JAKMIP3: variants seen among roughly 807,000 people sequenced by gnomAD.
JAKMIP3 encodes the protein Janus kinase and microtubule interacting protein 3.
In JAKMIP3, 58 loss-of-function variants were observed where a neutral mutation model predicts 118.5. The ratio of observed to expected loss-of-function variants is 0.49; its 90% confidence interval spans 0.40 to 0.61. The LOEUF (loss-of-function observed/expected upper bound fraction) is 0.61, where lower values mean the gene tolerates loss of function less well. JAKMIP3 is among the 20% of genes least tolerant of loss of function. The pLI is 0.00. For missense variants in JAKMIP3, 950 were observed against 1,109.0 expected, an observed-to-expected ratio of 0.86 and a Z score of 2.04; for synonymous variants, 486 against 451.2, an observed-to-expected ratio of 1.08 and a Z score of -0.98.
In JAKMIP3 at chr10:132,138,099, T is replaced by C. The variant is rs1371248170; in HGVS notation, c.1285-20T>C. The C allele has an allele frequency of 1.2e-6, 2 of 1,609,202 alleles. No individual in the cohort carries two copies. Among genetic ancestry groups the C allele is most frequent in the Non-Finnish European group, 1.7e-6 (2 of 1,177,754 alleles). On this transcript the variant is annotated intron_variant, in intron 8 of 23. Transcript: ENST00000684848. ...GAGCTGCTCTACCACTTACACAACCTCTTCAACTGGCTTCCGCAGGAGCGG... is the reference window on the plus strand; with the variant it reads ...GAGCTGCTCTACCACTTACACAACCCCTTCAACTGGCTTCCGCAGGAGCGG...
chr10:132,074,863 A>G (rs908996820), intron 1 of JAKMIP3, among the ~76,000 whole-genome samples: 1 of 152,160 alleles, frequency 6.6e-6, no homozygotes, highest in African/African-American at 2.4e-5. Context: ...ATATGATGAG[A>G]GGTATGGGTC....
rs1432225196 is a variant in JAKMIP3, at chr10:132,117,926, T to C, written c.633+352T>C. Among the ~76,000 whole-genome samples, 1 of 152,180 alleles carries C rather than the reference T, an allele frequency of 6.6e-6. No homozygotes were observed. The highest frequency in any genetic ancestry group is 1.9e-4 in the East Asian group (1 of 5,188). On this transcript the variant is annotated intron_variant, in intron 3 of 23. Coordinates refer to ENST00000684848, the MANE Select transcript of JAKMIP3 (RefSeq NM_001323087.2). The surrounding 1 kb of genome is among the most constrained non-coding windows in gnomAD (Gnocchi z 8.6). Reference sequence around the variant, plus strand: ...GGCACTGCCCATCCACACCGCAGGGTTCACGGACATCTCTTCTTAGTGTCC... The same window carrying C: ...GGCACTGCCCATCCACACCGCAGGGCTCACGGACATCTCTTCTTAGTGTCC...
intron 2 of JAKMIP3, among the ~76,000 whole-genome samples, chr10:132,113,745 C>T (rs10870258): frequency 0.24 from 36,392 of 152,092 alleles, 4,460 homozygotes; most frequent in African/African-American, 0.29. Flanking sequence ...AATTTTATAT[C>T]GGAAACCTAC....
chr10:132,144,126 G>C (rs2136005313), intron 11 of JAKMIP3: 1 of 146,860 alleles, frequency 6.8e-6, no homozygotes, highest in Admixed American at 6.8e-5. Context: ...TCCCCAGAGA[G>C]AGCAGGAGCC....
intron 3 of JAKMIP3, among the ~76,000 whole-genome samples, chr10:132,122,262 TCGGC>T (rs2048689110): frequency 6.6e-6 from 1 of 151,120 alleles, no homozygotes; most frequent in Non-Finnish European, 1.5e-5. Flanking sequence ...TGCCCCCCGG[TCGGC>T]TCCCCGGCTG....
chr10:132,068,275 A>G (rs1394307736), intron 1 of JAKMIP3, among the ~76,000 whole-genome samples: 2 of 152,220 alleles, frequency 1.3e-5, no homozygotes, highest in Non-Finnish European at 2.9e-5. Flanking sequence ...TTCAGGACCA[A>G]TGCCATATCT....
chr10:132,113,750 A>T (rs956442466), intron 2 of JAKMIP3, among the ~76,000 whole-genome samples: 3 of 152,156 alleles, frequency 2.0e-5, no homozygotes, highest in African/African-American at 7.2e-5. Flanking sequence ...TATATCGGAA[A>T]CCTACCAGGG....
At chr10:132,142,158 C>T (rs2053651719) in intron 11 of JAKMIP3, 110 bp downstream of exon 11, 10 of 1,163,848 alleles carry the variant, frequency 8.6e-6, no homozygotes, top group East Asian at 2.6e-5. Flanking sequence ...CCGGGCCCCT[C>T]CTCTCCTGCC....
At chr10:132,116,978 A>T in intron 2 of JAKMIP3, 99 bp from the exon 3 acceptor site, 3 of 1,330,768 alleles carry the variant, frequency 2.3e-6, no homozygotes, top group South Asian at 2.9e-5. Context: ...TTCAGGTGTG[A>T]GTGTGTGCAA....
chr10:132,072,472 C>G (rs1258274776), intron 1 of JAKMIP3, among the ~76,000 whole-genome samples: 1 of 152,078 alleles, frequency 6.6e-6, no homozygotes, highest in African/African-American at 2.4e-5. Context: ...GAGTTCAAGG[C>G]TGCAGTGAGC....
chr10:132,036,636 G>C (rs1208141688), upstream of JAKMIP3, among the ~76,000 whole-genome samples: 1 of 151,006 alleles, frequency 6.6e-6, no homozygotes, highest in Non-Finnish European at 1.5e-5. Context: ...CGGGTTCGGG[G>C]CTCCTGCCCG....
At position 132,117,657 on chromosome 10, in the gene JAKMIP3, G is replaced by A. The variant is rs1046661445; in HGVS notation, c.633+83G>A. The A allele has an allele frequency of 8.4e-7, 1 of 1,197,310 alleles. No homozygotes were observed. 74.2% of individuals were successfully genotyped at this position (1,197,310 alleles called of 1,614,324 possible). On this transcript the variant is annotated intron_variant, in intron 3 of 23. Transcript: ENST00000684848. The surrounding 1 kb of genome is among the most constrained non-coding windows in gnomAD (Gnocchi z 8.6). Reference sequence around the variant, plus strand: ...GGTGCAGGGGCGGGCGTGGGCGAGGGTGCAGGCGTGGGCTCGGGGAGCACG... The same window carrying A: ...GGTGCAGGGGCGGGCGTGGGCGAGGATGCAGGCGTGGGCTCGGGGAGCACG...
At chr10:132,154,862 GTGGTGATAGTGGTGGTGATGATGA>G (rs1399003963) in intron 19 of JAKMIP3, among the ~76,000 whole-genome samples, 5 of 97,040 alleles carry the variant, frequency 5.2e-5, no homozygotes, top group Non-Finnish European at 1.1e-4. Context: ...GGTGGTGATG[GTGGTGATAGTGGTGGTGATGATGA>G]TGGTGATGAT....
At chr10:132,039,000 G>T (rs983314604) in intron 1 of JAKMIP3, among the ~76,000 whole-genome samples, 2 of 152,154 alleles carry the variant, frequency 1.3e-5, no homozygotes, top group East Asian at 3.9e-4. Context: ...GGAGCCGCTC[G>T]TGAGGCCACA....
chr10:132,127,825 G>T (rs1156685824), intron 3 of JAKMIP3, among the ~76,000 whole-genome samples: 1 of 152,082 alleles, frequency 6.6e-6, no homozygotes, highest in Non-Finnish European at 1.5e-5. Context: ...ATATTAATAT[G>T]TATCCTTAAC....
chr10:132,159,514 G>GGCCTC (rs2057615792), intron 19 of JAKMIP3, among the ~76,000 whole-genome samples: 2 of 138,528 alleles, frequency 1.4e-5, no homozygotes, highest in African/African-American at 2.8e-5. Context: ...GATGCTGGGG[G>GGCCTC]TGTGTCTTCC....
At chr10:132,162,706 T>C (rs1407099666) in intron 19 of JAKMIP3, among the ~76,000 whole-genome samples, 1 of 151,692 alleles carries the variant, frequency 6.6e-6, no homozygotes, top group Non-Finnish European at 1.5e-5. Flanking sequence ...TAAGAAAAGC[T>C]TTGAAATATA....
chr10:132,135,808 C>G (rs2135758877), intron 5 of JAKMIP3, 122 bp from the exon 6 acceptor site: 1 of 1,109,782 alleles, frequency 9.0e-7, no homozygotes, highest in East Asian at 2.6e-5. Context: ...GTGGACTTCC[C>G]AAGTAGAGGG....
chr10:132,060,704 C>G (rs1418421414), upstream of JAKMIP3, among the ~76,000 whole-genome samples: 1 of 152,178 alleles, frequency 6.6e-6, no homozygotes, highest in Admixed American at 6.6e-5. Flanking sequence ...ATATCATTCA[C>G]AAATGATTTT....
Sources: gnomAD v4.1 joint callset for allele counts (sites outside exome capture counted in the v4.1 genomes callset) on GRCh38, gnomAD v4.1.1 for gene constraint, Gnocchi (gnomAD v3.1) non-coding constraint, MANE v1.5 for transcripts, NCBI Gene and HGNC (gene_info 2026-07-23, HGNC 2026-07-21) for gene names.